ADAM18: variants seen among roughly 807,000 people sequenced by gnomAD.
ADAM18 encodes ADAM metallopeptidase domain 18.
ADAM18 carries 117 observed loss-of-function variants against 94.4 expected under a neutral mutation model. That is an observed-to-expected ratio of 1.24 (90% confidence interval 1.07 to 1.45). The LOEUF (loss-of-function observed/expected upper bound fraction) is 1.45, where lower values mean the gene tolerates loss of function less well. Among genes scored for constraint, ADAM18 ranks in the 40% most tolerant of loss-of-function variants. The pLI is 0.00. For synonymous variants in ADAM18, 327 were observed against 291.6 expected, an observed-to-expected ratio of 1.12 and a Z score of -1.24; for missense variants, 936 against 880.0, an observed-to-expected ratio of 1.06 and a Z score of -0.81.
intron 13 of ADAM18, among the ~76,000 whole-genome samples, 193 bp downstream of exon 13, chr8:39,664,083 C>G (rs913519072): frequency 2.6e-5 from 4 of 152,174 alleles, no homozygotes; most frequent in Non-Finnish European, 5.9e-5. Flanking sequence ...GGTACGGTTG[C>G]AGTTACTATA....
chr8:39,647,234 C>CAAAA (rs72204674), intron 11 of ADAM18, among the ~76,000 whole-genome samples: 10 of 130,142 alleles, frequency 7.7e-5, no homozygotes, highest in East Asian at 2.7e-4. Flanking sequence ...AGAAAGTCAG[C>CAAAA]AAAAAAAAAA....
At chr8:39,609,608 TC>T in intron 5 of ADAM18, 47 bp downstream of exon 5, 1 of 1,368,728 alleles carries the variant, frequency 7.3e-7, no homozygotes, top group East Asian at 2.3e-5. Context: ...CTTAAGATAG[TC>T]TTTAAAACAA....
chr8:39,628,415 C>CG (rs1819833488), intron 6 of ADAM18, among the ~76,000 whole-genome samples: 1 of 109,856 alleles, frequency 9.1e-6, no homozygotes, highest in African/African-American at 3.7e-5. Context: ...ACTGATAGAT[C>CG]AATAGATAGA....
At chr8:39,644,404 C>T (rs1585931972) in intron 10 of ADAM18, among the ~76,000 whole-genome samples, 1 of 152,216 alleles carries the variant, frequency 6.6e-6, no homozygotes, top group East Asian at 1.9e-4. Context: ...CATTCTCCTG[C>T]CTTCTCCCAA....
chr8:39,634,095 A>C (rs1324392049), intron 7 of ADAM18, among the ~76,000 whole-genome samples: 1 of 152,130 alleles, frequency 6.6e-6, no homozygotes, highest in Non-Finnish European at 1.5e-5. Context: ...TGAGACTTGC[A>C]CACCAGGGCC....
intron 12 of ADAM18, among the ~76,000 whole-genome samples, chr8:39,650,260 A>G (rs150168936): frequency 8.2e-4 from 125 of 152,322 alleles, no homozygotes; most frequent in African/African-American, 3.0e-3. Flanking sequence ...CTTTTTGTAA[A>G]ATAAATAAAG....
chr8:39,620,896 G>T (rs1166207425), intron 6 of ADAM18, among the ~76,000 whole-genome samples: 3 of 151,574 alleles, frequency 2.0e-5, no homozygotes, highest in Admixed American at 2.0e-4. Flanking sequence ...GATAGTGAGA[G>T]AATATTTAAT....
At chr8:39,589,860 A>G (rs1818521123) in intron 2 of ADAM18, among the ~76,000 whole-genome samples, 1 of 151,966 alleles carries the variant, frequency 6.6e-6, no homozygotes, top group South Asian at 2.1e-4. Flanking sequence ...GCCATCAGAG[A>G]AATGCAAATC....
At chr8:39,634,789 T>A (rs1410185252) in intron 7 of ADAM18, among the ~76,000 whole-genome samples, 1 of 152,198 alleles carries the variant, frequency 6.6e-6, no homozygotes, top group African/African-American at 2.4e-5. Context: ...CTTACTCATA[T>A]AATGTTTAGG....
intron 14 of ADAM18, among the ~76,000 whole-genome samples, chr8:39,674,634 T>C (rs1052686985): frequency 6.6e-6 from 1 of 152,206 alleles, no homozygotes; most frequent in Admixed American, 6.5e-5. Context: ...TTAAGGTTAA[T>C]ATTGTTATGT....
Position 39,652,399 on chromosome 8 carries a change from G to T in ADAM18, c.1230+3872G>T, listed in dbSNP as rs148562807. Among the ~76,000 whole-genome samples the T allele has an allele frequency of 6.0e-3, 915 of 152,178 alleles. 5 individuals are homozygous for T. Among genetic ancestry groups the T allele is most frequent in the African/African-American group, 0.021 (869 of 41,560 alleles). On this transcript the variant is annotated intron_variant, in intron 12 of 19. Transcript: ENST00000265707. ...TGGGCAAAGGACCTGAATAGACATT[G>T]CTCAAAATAAGACAAACAAATGGAC...
At chr8:39,698,089 TC>T (rs1821974904) in intron 17 of ADAM18, among the ~76,000 whole-genome samples, 1 of 151,884 alleles carries the variant, frequency 6.6e-6, no homozygotes, top group African/African-American at 2.4e-5. Flanking sequence ...TGTACTGTGT[TC>T]CAAATACATG....
At chr8:39,645,580 A>C (rs1820356484) in intron 11 of ADAM18, 106 bp downstream of exon 11, 1 of 1,060,038 alleles carries the variant, frequency 9.4e-7, no homozygotes, top group Middle Eastern at 3.0e-4. Context: ...AATGGCTAGA[A>C]AGTTACATCA....
At chr8:39,722,207 GTGTGTGTGTGTATATATA>G (rs1220559702) in intron 18 of ADAM18, among the ~76,000 whole-genome samples, 61 of 76,410 alleles carry the variant, frequency 8.0e-4, no homozygotes, top group Middle Eastern at 5.5e-3. Context: ...GTGTGTGTGT[GTGTGTGTGTGTATATATA>G]TATATATATA....
chr8:39,615,475 A>G (rs1228667431), intron 6 of ADAM18, among the ~76,000 whole-genome samples: 1 of 152,238 alleles, frequency 6.6e-6, no homozygotes, highest in East Asian at 1.9e-4. Context: ...CCACATGAGC[A>G]TCTCAGCAGA....
At chr8:39,634,207 G>A (rs1018765137) in intron 7 of ADAM18, among the ~76,000 whole-genome samples, 4 of 152,248 alleles carry the variant, frequency 2.6e-5, no homozygotes, top group Admixed American at 1.3e-4. Context: ...GTTTCAAAGG[G>A]TGCAGACTGT....
chr8:39,665,680 A>G (rs1292839270), intron 13 of ADAM18, among the ~76,000 whole-genome samples: 1 of 152,198 alleles, frequency 6.6e-6, no homozygotes, highest in Non-Finnish European at 1.5e-5. Context: ...AATCATTTAA[A>G]TCATTGATCC....
intron 19 of ADAM18, 115 bp from the exon 20 acceptor site, chr8:39,729,783 T>C (rs2045719916): frequency 1.3e-6 from 1 of 758,002 alleles, no homozygotes; most frequent in South Asian, 1.8e-5. Context: ...TAATAATCTT[T>C]GATTTTTAGC....
chr8:39,709,171 G>C (rs764510181), intron 18 of ADAM18, among the ~76,000 whole-genome samples: 2 of 152,178 alleles, frequency 1.3e-5, no homozygotes, highest in Non-Finnish European at 2.9e-5. Flanking sequence ...GGATTTTATT[G>C]CTGATGAAAG....
Sources: allele counts gnomAD v4.1 joint callset (sites outside exome capture counted in the v4.1 genomes callset), GRCh38; gene constraint gnomAD v4.1.1; transcripts MANE v1.5; gene names NCBI Gene and HGNC (gene_info 2026-07-23, HGNC 2026-07-21).